The following NECTIN3 variants were observed in gnomAD, a reference collection of about 807,000 sequenced individuals.
NECTIN3 encodes the protein nectin cell adhesion molecule 3.
Under a neutral mutation model 49.4 loss-of-function variants are expected in NECTIN3, and 8 were observed. The observed-to-expected ratio is 0.16, with a 90% CI of 0.10 to 0.29. NECTIN3 has a LOEUF of 0.29. NECTIN3 is among the 10% of genes least tolerant of loss of function. The probability of loss-of-function intolerance (pLI) is 1.00; values close to 1 mark genes in which losing one functional copy is unlikely to be tolerated. For synonymous variants in NECTIN3, 277 were observed against 241.1 expected (o/e 1.15, Z -1.38); for missense variants, 581 against 654.6 (o/e 0.89, Z 1.23).
downstream of NECTIN3, among the ~76,000 whole-genome samples, chr3:111,139,158 A>G (rs991738099): frequency 2.0e-5 from 3 of 151,718 alleles, no homozygotes; most frequent in African/African-American, 7.2e-5. Context: ...TTTGAAAAAT[A>G]AAAGACCTTT....
upstream of NECTIN3, among the ~76,000 whole-genome samples, chr3:111,188,088 AC>A (rs1206340033): frequency 6.6e-6 from 1 of 152,144 alleles, no homozygotes; most frequent in African/African-American, 2.4e-5. Flanking sequence ...TGAACTTAAA[AC>A]CACTAAAAAA....
chr3:111,110,190 T>G (rs2033394662), intron 1 of NECTIN3, among the ~76,000 whole-genome samples: 1 of 152,008 alleles, frequency 6.6e-6, no homozygotes, highest in South Asian at 2.1e-4. Flanking sequence ...CTTTCCTTTT[T>G]CATATTACAC....
At chr3:111,187,114 T>G (rs1183041408) in intron 7 of NECTIN3, among the ~76,000 whole-genome samples, 5 of 152,216 alleles carry the variant, frequency 3.3e-5, no homozygotes, top group Admixed American at 3.3e-4. Flanking sequence ...GGAGACAGTT[T>G]GGCAGTTTCT....
chr3:111,089,368 T>C (rs1316456895), intron 1 of NECTIN3, among the ~76,000 whole-genome samples: 1 of 151,860 alleles, frequency 6.6e-6, no homozygotes. Context: ...TTCTCATTCT[T>C]CAGATGGATA....
chr3:111,184,731 T>A (rs1295115915), intron 7 of NECTIN3, among the ~76,000 whole-genome samples: 1 of 152,242 alleles, frequency 6.6e-6, no homozygotes, highest in Admixed American at 6.5e-5. Flanking sequence ...GTGAATGTTA[T>A]GTTTTCAATT....
rs1449201594 is a variant in NECTIN3 at position 111,137,318 on chromosome 3, CT to C, written c.*3105del. On this transcript the variant is annotated 3_prime_UTR_variant, in exon 6 of 6. Coordinates refer to ENST00000485303, the MANE Select transcript of NECTIN3 (RefSeq NM_015480.3). ...TAGATTGAATTGTCTTTCCTGTTTA[CT>C]TGTTAATTAGAAAATGCATCCTTCA... is the stretch of plus-strand genomic sequence containing the variant. 3.1e-6 allele frequency: 3 copies of C among 972,306 alleles called. No individual in the cohort carries two copies. In the African/African-American group the frequency reaches 5.3e-5, roughly 17 times the overall value. The allele number at this position is 972,306 out of a possible 1,614,324, so 60.2% of individuals were successfully genotyped here. A position where few individuals can be genotyped will look rare whatever the true frequency, so the allele number is the denominator to read the frequency against.
chr3:111,133,915 A>G lies in NECTIN3; in HGVS notation c.1350A>G (p.Gln450=). 2 of 1,613,986 alleles carry G rather than the reference A, an allele frequency of 1.2e-6. No homozygotes were observed. The highest frequency in any genetic ancestry group is 8.5e-7 in the Non-Finnish European group (1 of 1,179,906). ...ACTACATTCCACCATCAGATATGCA[A>G]AAAGAATCACAAATAGATGTTCTTC... ...AKNYIPPSDM[Q]KESQIDVLQQ... Residue 450 remains glutamine (Q), a synonymous_variant, in exon 6 of 6, where the codon CAA becomes CAG. Transcript: ENST00000485303.
chr3:111,189,625 G>A (rs184001857), upstream of NECTIN3, among the ~76,000 whole-genome samples: 99 of 152,200 alleles, frequency 6.5e-4, no homozygotes, highest in Admixed American at 2.0e-3. Flanking sequence ...AATAATAAAT[G>A]GCAAAGAAAC....
chr3:111,092,947 G>A (rs1050016826), intron 1 of NECTIN3, among the ~76,000 whole-genome samples: 1 of 152,118 alleles, frequency 6.6e-6, no homozygotes, highest in African/African-American at 2.4e-5. Flanking sequence ...CATGGGATAA[G>A]TTTACATTTA....
chr3:111,106,017 A>C (rs1304903388), intron 1 of NECTIN3, among the ~76,000 whole-genome samples: 2 of 142,004 alleles, frequency 1.4e-5, no homozygotes, highest in African/African-American at 5.3e-5. Flanking sequence ...TCTTGGCAGC[A>C]TTTGGAATAA....
intron 1 of NECTIN3, among the ~76,000 whole-genome samples, chr3:111,089,304 T>A (rs1461611319): frequency 6.6e-6 from 1 of 152,028 alleles, no homozygotes; most frequent in African/African-American, 2.4e-5. Context: ...TTCTTTTCTA[T>A]CTTATTTTCT....
upstream of NECTIN3, among the ~76,000 whole-genome samples, chr3:111,190,242 T>G (rs1300986149): frequency 6.6e-6 from 1 of 152,224 alleles, no homozygotes; most frequent in Non-Finnish European, 1.5e-5. Context: ...CCTGATCATG[T>G]GGGAAGCACT....
intron 1 of NECTIN3, among the ~76,000 whole-genome samples, chr3:111,077,542 T>C (rs997163902): frequency 2.0e-5 from 3 of 150,912 alleles, no homozygotes; most frequent in Admixed American, 6.7e-5. Flanking sequence ...TCATAGTTAC[T>C]AGGGAATCTT....
intron 1 of NECTIN3, 101 bp from the exon 2 acceptor site, chr3:111,111,926 TGTG>T: frequency 1.6e-6 from 1 of 621,806 alleles, no homozygotes. Flanking sequence ...TGTGTGTGTG[TGTG>T]TGTGTAGCTA....
chr3:111,138,454 A>G (rs1024786270), downstream of NECTIN3, among the ~76,000 whole-genome samples: 1 of 151,566 alleles, frequency 6.6e-6, no homozygotes, highest in Admixed American at 6.6e-5. Context: ...TAGTCCAGTC[A>G]TCTGCTTTTT....
chr3:111,071,971 G>A lies in NECTIN3; in HGVS notation c.-47G>A. On this transcript the variant is annotated 5_prime_UTR_variant, in exon 1 of 6. Coordinates refer to ENST00000485303, the MANE Select transcript of NECTIN3 (RefSeq NM_015480.3). ...CCAGAGCCTGAGGCGCCGGGGCCGG[G>A]GGAGCCGGGGGGCGGGCGGGCGAGC... 7.4e-6 allele frequency: 10 copies of A among 1,349,590 alleles called. No homozygotes were observed. Among genetic ancestry groups the A allele is most frequent in the South Asian group, 1.7e-5 (1 of 59,994 alleles). The allele number at this position is 1,349,590 out of a possible 1,614,324, so 83.6% of individuals were successfully genotyped here.
At chr3:111,186,838 T>C (rs1004272955) in intron 7 of NECTIN3, among the ~76,000 whole-genome samples, 8 of 152,160 alleles carry the variant, frequency 5.3e-5, no homozygotes, top group Non-Finnish European at 5.9e-5. Flanking sequence ...GAAATACGTA[T>C]TACAGATTTA....
intron 4 of NECTIN3, among the ~76,000 whole-genome samples, chr3:111,124,237 A>G (rs539793114): frequency 2.0e-5 from 3 of 152,248 alleles, no homozygotes; most frequent in Non-Finnish European, 4.4e-5. Flanking sequence ...CTAAACTTCT[A>G]TATGTCTTTT....
At chr3:111,192,757 A>G (rs2035835767) in intron 1 of NECTIN3, among the ~76,000 whole-genome samples, 1 of 152,146 alleles carries the variant, frequency 6.6e-6, no homozygotes, top group Admixed American at 6.5e-5. Flanking sequence ...TTCAAATGCC[A>G]GTTCATTTTG....
Sources: allele counts gnomAD v4.1 joint callset (sites outside exome capture counted in the v4.1 genomes callset), GRCh38; gene constraint gnomAD v4.1.1; transcripts MANE v1.5; gene names NCBI Gene and HGNC (gene_info 2026-07-23, HGNC 2026-07-21).